The following USP15 variants were observed in gnomAD, a reference collection of about 807,000 sequenced individuals.
The protein encoded by USP15 is ubiquitin carboxyl-terminal hydrolase 15.
USP15 carries 18 observed loss-of-function variants against 127.1 expected under a neutral mutation model. That is an observed-to-expected ratio of 0.14 (90% CI 0.10 to 0.21). USP15 has a LOEUF of 0.21. USP15 is among the 10% of genes least tolerant of loss of function. The pLI, the probability that USP15 is intolerant of heterozygous loss-of-function variation, is 1.00. For missense variants in USP15, 805 were observed against 1,159.9 expected, an observed-to-expected ratio of 0.69 and a Z score of 4.44; for synonymous variants, 364 against 393.7, an observed-to-expected ratio of 0.92 and a Z score of 0.89.
chr12:62,292,930 C>T lies in USP15; in HGVS notation c.90-1249C>T, dbSNP rs544600111. Among the ~76,000 whole-genome samples the T allele has an allele frequency of 3.3e-5, 5 of 152,268 alleles. No homozygotes were observed. In the East Asian group the frequency reaches 9.7e-4, roughly 29 times the overall value. Reference sequence around the variant, plus strand: ...GGGTGCTGGGGAATGTCAGCAAGAGCTCCCAGGATGTGGAAGCACAAGGGC... The same window carrying T: ...GGGTGCTGGGGAATGTCAGCAAGAGTTCCCAGGATGTGGAAGCACAAGGGC... On this transcript the variant is annotated intron_variant, in intron 1 of 21. Transcript: ENST00000280377.
intron 2 of USP15, among the ~76,000 whole-genome samples, chr12:62,296,148 G>C (rs540615967): frequency 6.6e-6 from 1 of 152,162 alleles, no homozygotes; most frequent in East Asian, 1.9e-4. Context: ...GCAAGGAAAC[G>C]GGAACCTCAA....
chr12:62,333,580 C>T (rs1565863527), intron 6 of USP15, among the ~76,000 whole-genome samples: 1 of 152,134 alleles, frequency 6.6e-6, no homozygotes, highest in South Asian at 2.1e-4. Flanking sequence ...GTGTGAGCCA[C>T]CATGCCCAGC....
chr12:62,314,037 C>T (rs2064758562), intron 3 of USP15: 3 of 899,388 alleles, frequency 3.3e-6, no homozygotes, highest in Non-Finnish European at 4.0e-6. Context: ...TTTAGAAGAT[C>T]GAAAGGAATT....
chr12:62,317,982 C>A (rs2064878596), intron 4 of USP15, among the ~76,000 whole-genome samples: 1 of 152,068 alleles, frequency 6.6e-6, no homozygotes, highest in Admixed American at 6.6e-5. Context: ...ATTTCTATGA[C>A]CTGTATTAAT....
At chr12:62,377,179 C>A (rs2066858064) in intron 8 of USP15, among the ~76,000 whole-genome samples, 1 of 152,006 alleles carries the variant, frequency 6.6e-6, no homozygotes, top group South Asian at 2.1e-4. Flanking sequence ...AAGCATTTAT[C>A]CCTCCTTCAT....
At chr12:62,341,068 T>C (rs2065630888) in intron 6 of USP15, among the ~76,000 whole-genome samples, 1 of 152,204 alleles carries the variant, frequency 6.6e-6, no homozygotes, top group East Asian at 1.9e-4. Flanking sequence ...CTATATTGGG[T>C]CCACATATAT....
At chr12:62,268,548 T>C (rs2063255734) in intron 1 of USP15, among the ~76,000 whole-genome samples, 2 of 152,118 alleles carry the variant, frequency 1.3e-5, no homozygotes, top group Admixed American at 6.6e-5. Context: ...GTGTCTCCCA[T>C]TTCCTGCAAA....
chr12:62,355,188 C>A (rs1592655165), intron 7 of USP15, 143 bp from the exon 8 acceptor site: 1 of 745,820 alleles, frequency 1.3e-6, no homozygotes, highest in East Asian at 2.9e-5. Context: ...AGGTTCAAGT[C>A]TTTAAAAAAG....
At chr12:62,389,029 T>C (rs763657404) in intron 11 of USP15, among the ~76,000 whole-genome samples, 1 of 152,058 alleles carries the variant, frequency 6.6e-6, no homozygotes, top group Non-Finnish European at 1.5e-5. Flanking sequence ...AGAGGCTGAA[T>C]TCGGAAGATG....
intron 3 of USP15, among the ~76,000 whole-genome samples, chr12:62,306,858 G>T (rs541493749): frequency 6.6e-6 from 1 of 152,110 alleles, no homozygotes; most frequent in Non-Finnish European, 1.5e-5. Context: ...AAAAATCAAA[G>T]GTCATGCCTC....
At chr12:62,336,622 G>T in intron 6 of USP15, 1 of 455,926 alleles carries the variant, frequency 2.2e-6, no homozygotes, top group Non-Finnish European at 2.9e-6. Context: ...CAAAACCATT[G>T]TATTTTGACA....
intron 1 of USP15, chr12:62,273,993 A>G (rs1034718180): frequency 3.3e-5 from 5 of 152,012 alleles, no homozygotes; most frequent in Non-Finnish European, 5.9e-5. Flanking sequence ...ATTGTTTCAT[A>G]AAGAGGGAGT....
chr12:62,327,715 G>A, intron 6 of USP15: 1 of 429,704 alleles, frequency 2.3e-6, no homozygotes, highest in South Asian at 1.7e-5. Flanking sequence ...TTGTGTGAAA[G>A]AAAACAGAAT....
chr12:62,335,236 G>A, intron 6 of USP15: 2 of 1,534,512 alleles, frequency 1.3e-6, no homozygotes, highest in Admixed American at 2.0e-5. Context: ...GAGCTAAAGG[G>A]CTCTGGTTAT....
intron 1 of USP15, among the ~76,000 whole-genome samples, chr12:62,290,320 T>C (rs1006765861): frequency 2.0e-5 from 3 of 152,282 alleles, no homozygotes; most frequent in African/African-American, 7.2e-5. Flanking sequence ...TACATATATA[T>C]TTAGGATTGT....
rs147430110 is a variant in USP15 at position 62,294,387 on chromosome 12, T to C, written c.217+81T>C. The C allele has an allele frequency of 2.2e-5, 33 of 1,495,950 alleles. No homozygotes were observed. The East Asian group carries it at 7.1e-4, about 32-fold the overall frequency. The allele number at this position is 1,495,950 out of a possible 1,614,324, so 92.7% of individuals were successfully genotyped here. ...ATGTCAGTGGGTTGAATTTGGAAAA[T>C]GTTAGCGCAAATAAGTTGATAAAGT... On this transcript the variant is annotated intron_variant, in intron 2 of 21. Coordinates refer to ENST00000280377, the MANE Select transcript of USP15 (RefSeq NM_001252078.2).
In USP15 at chr12:62,321,586, G is replaced by A. The variant is rs1323275035; in HGVS notation, c.598G>A (p.Asp200Asn). ...GAATAAACCAGACAGCACCATTCAG[G>A]ATGCTGGTTTATACCAAGGACAGGT... The part of the protein sequence containing the change: ...PLNKPDSTIQ[D>N]AGLYQGQVLV... Residue 200 changes from aspartate (D) to asparagine (N), a missense_variant, in exon 5 of 22, where the codon GAT (aspartate) becomes AAT (asparagine). Asp to Asn is a conservative substitution (Grantham distance 23). Coordinates refer to ENST00000280377, the MANE Select transcript of USP15 (RefSeq NM_001252078.2). 1.9e-6 allele frequency: 3 copies of A among 1,592,994 alleles called. No homozygotes were observed. The highest frequency in any genetic ancestry group is 1.8e-5 in the Admixed American group (1 of 56,586).
intron 21 of USP15, among the ~76,000 whole-genome samples, chr12:62,403,101 A>T (rs1250008311): frequency 6.6e-6 from 1 of 152,114 alleles, no homozygotes; most frequent in Non-Finnish European, 1.5e-5. Context: ...GAAGTTTGAG[A>T]TGCCTGTATG....
chr12:62,333,090 A>T (rs770573138), intron 6 of USP15, among the ~76,000 whole-genome samples: 3 of 152,186 alleles, frequency 2.0e-5, no homozygotes, highest in Non-Finnish European at 4.4e-5. Context: ...AGCTAAATGG[A>T]TTTGGAAATG....
Sources: allele counts gnomAD v4.1 joint callset (sites outside exome capture counted in the v4.1 genomes callset), GRCh38; gene constraint gnomAD v4.1.1; transcripts MANE v1.5; gene names NCBI Gene and HGNC (gene_info 2026-07-23, HGNC 2026-07-21).